SPPL3: variants seen among roughly 807,000 people sequenced by gnomAD.
The protein encoded by SPPL3 is signal peptide peptidase like 3, also known as signal peptide peptidase-like 3.
A neutral mutation model predicts 42.4 loss-of-function variants in SPPL3; 5 were observed. The ratio of observed to expected loss-of-function variants is 0.12; its 90% CI spans 0.06 to 0.25. The LOEUF (loss-of-function observed/expected upper bound fraction) is 0.25, where lower values mean the gene tolerates loss of function less well. SPPL3 is among the 10% of genes least tolerant of loss of function. The probability of loss-of-function intolerance (pLI) is 1.00; values close to 1 mark genes in which losing one functional copy is unlikely to be tolerated. For missense variants in SPPL3, 235 were observed against 489.0 expected, an observed-to-expected ratio of 0.48 and a Z score of 4.90; for synonymous variants, 195 against 181.8, an observed-to-expected ratio of 1.07 and a Z score of -0.58.
At chr12:120,877,937 G>T (rs574347001) in intron 1 of SPPL3, among the ~76,000 whole-genome samples, 84 of 151,966 alleles carry the variant, frequency 5.5e-4, no homozygotes, top group Non-Finnish European at 1.0e-3. Context: ...CAGGAGAATC[G>T]CTTGAATCTG....
chr12:120,827,405 C>CA (rs1377195937), intron 1 of SPPL3, among the ~76,000 whole-genome samples: 44 of 150,408 alleles, frequency 2.9e-4, no homozygotes, highest in Admixed American at 7.9e-4. Context: ...TTTGGGGGCT[C>CA]TTACTGAGTT....
chr12:120,903,734 C>CG (rs747298411), intron 1 of SPPL3, 111 bp downstream of exon 1: 2 of 608,480 alleles, frequency 3.3e-6, no homozygotes, highest in Non-Finnish European at 5.1e-6. Context: ...CAACCCGCGC[C>CG]CCCCCCCCAC....
At position 120,815,587 on chromosome 12, in the gene SPPL3, G is replaced by C. The variant is rs554230580; in HGVS notation, c.24-4701C>G. Reference sequence around the variant, plus strand: ...GCATATTGTCACTACCCTCAAGGCAGATTAAATATCTACACTTCCCAAATT... The same window carrying C: ...GCATATTGTCACTACCCTCAAGGCACATTAAATATCTACACTTCCCAAATT... On this transcript the variant is annotated intron_variant, in intron 1 of 10. Transcript: ENST00000353487. 6.6e-5 allele frequency among the ~76,000 whole-genome samples: 10 copies of C among 152,124 alleles called. No individual in the cohort carries two copies. The South Asian group carries it at 2.1e-3, about 32-fold the overall frequency.
chr12:120,856,780 C>T (rs1460317784), intron 1 of SPPL3, among the ~76,000 whole-genome samples: 1 of 152,120 alleles, frequency 6.6e-6, no homozygotes, highest in African/African-American at 2.4e-5. Flanking sequence ...GACTGGTGTG[C>T]AATTGCCATC....
chr12:120,843,591 T>C (rs1276853873), intron 1 of SPPL3, among the ~76,000 whole-genome samples: 2 of 152,188 alleles, frequency 1.3e-5, no homozygotes, highest in African/African-American at 4.8e-5. Flanking sequence ...CCCAGGGCAC[T>C]AGGTGTACTC....
chr12:120,870,534 G>A (rs1872890173), intron 1 of SPPL3, among the ~76,000 whole-genome samples: 2 of 152,270 alleles, frequency 1.3e-5, no homozygotes, highest in South Asian at 4.1e-4. Context: ...GTACAGCAAT[G>A]TTCACAGCAG....
intron 1 of SPPL3, among the ~76,000 whole-genome samples, chr12:120,838,024 C>A (rs897483236): frequency 6.6e-6 from 1 of 152,118 alleles, no homozygotes; most frequent in African/African-American, 2.4e-5. Flanking sequence ...CTGAGCAAGA[C>A]TTCGTCTCAA....
intron 6 of SPPL3, among the ~76,000 whole-genome samples, chr12:120,778,305 CG>C (rs1869406779): frequency 6.6e-6 from 1 of 151,574 alleles, no homozygotes; most frequent in African/African-American, 2.4e-5. Flanking sequence ...TTAGTAGAGA[CG>C]GGGTTTCACC....
intron 1 of SPPL3, among the ~76,000 whole-genome samples, chr12:120,856,143 A>C (rs1244749012): frequency 6.6e-6 from 1 of 152,194 alleles, no homozygotes; most frequent in Admixed American, 6.5e-5. Flanking sequence ...ATGAACTTAA[A>C]TTTAAATAGC....
chr12:120,874,997 T>C (rs755149548), intron 1 of SPPL3, among the ~76,000 whole-genome samples: 2 of 152,178 alleles, frequency 1.3e-5, no homozygotes, highest in African/African-American at 2.4e-5. Flanking sequence ...AAAAAGGTCA[T>C]GTGCACGGGT....
chr12:120,838,334 A>AC (rs1287304376), intron 1 of SPPL3, among the ~76,000 whole-genome samples: 1 of 152,120 alleles, frequency 6.6e-6, no homozygotes, highest in Admixed American at 6.5e-5. Flanking sequence ...TCTCCAGCAT[A>AC]CTTTCTTCCT....
At chr12:120,781,788 C>G (rs1869556795) in intron 6 of SPPL3, among the ~76,000 whole-genome samples, 1 of 151,072 alleles carries the variant, frequency 6.6e-6, no homozygotes, top group Non-Finnish European at 1.5e-5. Context: ...ACCATTTTAG[C>G]CATTTTAGCC....
chr12:120,859,856 C>A (rs1474647890), intron 1 of SPPL3, among the ~76,000 whole-genome samples: 1 of 151,988 alleles, frequency 6.6e-6, no homozygotes, highest in Non-Finnish European at 1.5e-5. Context: ...GGCAGGAGAA[C>A]TGCTTGAACC....
At chr12:120,797,189 C>A (rs1870127604) in intron 2 of SPPL3, among the ~76,000 whole-genome samples, 1 of 151,910 alleles carries the variant, frequency 6.6e-6, no homozygotes, top group African/African-American at 2.4e-5. Flanking sequence ...CAAAAAACAA[C>A]AAACAAAAAA....
At chr12:120,771,918 C>T (rs1286219217) in intron 6 of SPPL3, among the ~76,000 whole-genome samples, 1 of 152,258 alleles carries the variant, frequency 6.6e-6, no homozygotes, top group Non-Finnish European at 1.5e-5. Flanking sequence ...CCAGAAGGTC[C>T]TGCCCCCGGC....
intron 1 of SPPL3, among the ~76,000 whole-genome samples, chr12:120,836,826 CAT>C (rs1491064825): frequency 3.3e-5 from 5 of 152,270 alleles, no homozygotes; most frequent in East Asian, 1.9e-4. Flanking sequence ...TTAACATGCA[CAT>C]GTGTGTGTGC....
chr12:120,837,605 T>C (rs1213124640), intron 1 of SPPL3, among the ~76,000 whole-genome samples: 1 of 152,212 alleles, frequency 6.6e-6, no homozygotes, highest in Non-Finnish European at 1.5e-5. Context: ...TTCCATTTAT[T>C]ATCAGAAGGG....
intron 1 of SPPL3, among the ~76,000 whole-genome samples, chr12:120,861,316 G>A (rs961462753): frequency 1.3e-5 from 2 of 152,182 alleles, no homozygotes; most frequent in Admixed American, 1.3e-4. Context: ...TGGCTTGCAG[G>A]CCATAGTTTG....
At chr12:120,800,561 G>A (rs1391261796) in intron 2 of SPPL3, among the ~76,000 whole-genome samples, 1 of 152,006 alleles carries the variant, frequency 6.6e-6, no homozygotes. Context: ...ATGATCAACA[G>A]AAGGACTTGA....
Sources: allele counts gnomAD v4.1 joint callset (sites outside exome capture counted in the v4.1 genomes callset), GRCh38; gene constraint gnomAD v4.1.1; transcripts MANE v1.5; gene names NCBI Gene and HGNC (gene_info 2026-07-23, HGNC 2026-07-21).